Variants in POU1F1 observed in about 807,000 individuals in gnomAD.
The protein encoded by POU1F1 is POU class 1 homeobox 1.
In POU1F1, 23 loss-of-function variants were observed where a neutral mutation model predicts 32.3. That is an observed-to-expected ratio of 0.71 (90% confidence interval 0.51 to 1.01). POU1F1 has a LOEUF of 1.01. Ranked by LOEUF, POU1F1 falls within the 50% of genes least tolerant of loss-of-function variation. POU1F1 has a pLI of 0.00. For missense variants in POU1F1, 323 were observed against 341.6 expected (o/e 0.95, Z 0.43); for synonymous variants, 120 against 115.6 (o/e 1.04, Z -0.25).
chr3:87,264,329 T>G lies in POU1F1; in HGVS notation c.398A>C (p.Glu133Ala), dbSNP rs761731319. 6.2e-7 allele frequency: 1 copy of G among 1,613,930 alleles called. No homozygotes were observed. Among genetic ancestry groups the G allele is most frequent in the Admixed American group, 1.7e-5 (1 of 59,986 alleles). ...CACTTTAAATTCATTGGCAAACTTT[T>G]CAAGTTCTCTGATTTCTGGAGAATC... ...DMDSPEIRELEKFANEFKVRR... is the reference protein window; with the variant it reads ...DMDSPEIRELAKFANEFKVRR... Residue 133 changes from glutamate (E) to alanine (A), a missense_variant, in exon 3 of 6, where the codon GAA (glutamate) becomes GCA (alanine). Physicochemically the swap from Glu to Ala is moderately radical, Grantham distance 107. Transcript: ENST00000350375.
intron 1 of POU1F1, among the ~76,000 whole-genome samples, chr3:87,275,503 T>C (rs1415785770): frequency 6.6e-6 from 1 of 152,108 alleles, no homozygotes; most frequent in African/African-American, 2.4e-5. Context: ...GTGAATATTA[T>C]ATTGCTATTC....
rs547079579 is a variant in POU1F1, at chr3:87,271,364, G to T, written c.214+1983C>A. ...GGCCAGTGGTGGCCCTCTCTGATTA[G>T]GCAGGGTGGGAGTTGGTAGCAAAAA... On this transcript the variant is annotated intron_variant, in intron 2 of 5. Coordinates refer to ENST00000350375, the MANE Select transcript of POU1F1 (RefSeq NM_000306.4). Among the ~76,000 whole-genome samples, 6 of 152,302 alleles carry T rather than the reference G, an allele frequency of 3.9e-5. No individual in the cohort carries two copies. In the South Asian group the frequency reaches 8.3e-4, roughly 21 times the overall value.
intron 2 of POU1F1, among the ~76,000 whole-genome samples, chr3:87,270,535 G>T (rs749420874): frequency 2.0e-5 from 3 of 152,170 alleles, no homozygotes; most frequent in Non-Finnish European, 2.9e-5. Context: ...GTAAGCATCA[G>T]AGTATGAGTA....
chr3:87,260,296 T>C (rs1326116831), intron 5 of POU1F1, among the ~76,000 whole-genome samples, 192 bp from the exon 6 acceptor site: 2 of 152,180 alleles, frequency 1.3e-5, no homozygotes, highest in African/African-American at 2.4e-5. Flanking sequence ...TTTTGTCTTA[T>C]GTAAGGTAGA....
intron 3 of POU1F1, among the ~76,000 whole-genome samples, chr3:87,262,591 T>C (rs1706533298): frequency 1.3e-5 from 2 of 152,034 alleles, no homozygotes; most frequent in South Asian, 2.1e-4. Context: ...TCAAATAATA[T>C]ATGCTCAAAA....
chr3:87,266,188 TA>T (rs1399094132), intron 2 of POU1F1, among the ~76,000 whole-genome samples: 5 of 147,474 alleles, frequency 3.4e-5, no homozygotes, highest in Non-Finnish European at 6.0e-5. Context: ...ATTTTTTATA[TA>T]AAAATATGTA....
intron 2 of POU1F1, among the ~76,000 whole-genome samples, chr3:87,271,675 T>C (rs1279098565): frequency 6.6e-6 from 1 of 152,198 alleles, no homozygotes; most frequent in Non-Finnish European, 1.5e-5. Context: ...TTTATTTTAC[T>C]ATTTTATAAT....
chr3:87,272,876 T>C (rs1287814444), intron 2 of POU1F1, among the ~76,000 whole-genome samples: 1 of 152,162 alleles, frequency 6.6e-6, no homozygotes, highest in Non-Finnish European at 1.5e-5. Flanking sequence ...TGTAAACCTG[T>C]GCTGTCTGAT....
chr3:87,267,151 T>G (rs1706635080), intron 2 of POU1F1, among the ~76,000 whole-genome samples: 1 of 152,174 alleles, frequency 6.6e-6, no homozygotes, highest in African/African-American at 2.4e-5. Flanking sequence ...ATTATTATTT[T>G]CAATTTCTCT....
rs1157538736 is a variant in POU1F1, at chr3:87,259,823, A to G, written c.*71T>C. On this transcript the variant is annotated 3_prime_UTR_variant, in exon 6 of 6. Coordinates refer to ENST00000350375, the MANE Select transcript of POU1F1 (RefSeq NM_000306.4). ...TAAAATGATTTTAAGTCAACCAAGT[A>G]ATTTCTGTTTTTGTTGAGGAAGAGA... 19 of 1,298,670 alleles carry G rather than the reference A, an allele frequency of 1.5e-5. No individual in the cohort carries two copies. Among genetic ancestry groups the G allele is most frequent in the Non-Finnish European group, 2.0e-5 (18 of 903,930 alleles). 80.4% of individuals were successfully genotyped at this position (1,298,670 alleles called of 1,614,324 possible).
intron 2 of POU1F1, among the ~76,000 whole-genome samples, chr3:87,266,410 A>G (rs2106932800): frequency 6.7e-6 from 1 of 148,416 alleles, no homozygotes; most frequent in South Asian, 2.1e-4. Context: ...TAAATATGTA[A>G]TTATATCTAA....
rs765209272 is a variant in POU1F1 at position 87,262,223 on chromosome 3, G to T, written c.452C>A (p.Thr151Lys). The T allele has an allele frequency of 7.4e-6, 12 of 1,613,956 alleles. No homozygotes were observed. Among genetic ancestry groups the T allele is most frequent in the Admixed American group, 1.7e-5 (1 of 59,980 alleles). The change falls in exon 4 of 6, where the codon ACA (threonine) becomes AAA (lysine). Residue 151 changes from threonine (T) to lysine (K), a missense_variant. Transcript: ENST00000350375. ...VRRIKLGYTQ[T>K]NVGEALAAVH... ...AGCTGCCAGGGCCTCCCCAACATTTGTCTGGGTGTATCCTGTGAAGGGACA... is the reference window on the plus strand; with the variant it reads ...AGCTGCCAGGGCCTCCCCAACATTTTTCTGGGTGTATCCTGTGAAGGGACA...
intron 5 of POU1F1, among the ~76,000 whole-genome samples, chr3:87,260,868 TTTTTTTTATTTATTTA>T (rs67140367): frequency 0.4 from 56,202 of 139,840 alleles, 11,783 homozygotes; most frequent in East Asian, 0.58. Flanking sequence ...TATTATTATT[TTTTTTTTATTTATTTA>T]TTTATTTATT....
At chr3:87,275,562 C>T (rs1412254193) in intron 1 of POU1F1, among the ~76,000 whole-genome samples, 1 of 152,032 alleles carries the variant, frequency 6.6e-6, no homozygotes, top group African/African-American at 2.4e-5. Context: ...TGTAAATCAA[C>T]TCTAAAACAC....
intron 2 of POU1F1, among the ~76,000 whole-genome samples, chr3:87,265,567 C>T (rs1030030349): frequency 1.2e-4 from 18 of 151,916 alleles, no homozygotes; most frequent in Non-Finnish European, 1.8e-4. Flanking sequence ...TATTAAATGA[C>T]ATGTCTAGTG....
intron 2 of POU1F1, among the ~76,000 whole-genome samples, chr3:87,268,428 G>A (rs1426580648): frequency 6.6e-6 from 1 of 151,858 alleles, no homozygotes; most frequent in Non-Finnish European, 1.5e-5. Flanking sequence ...TTCATTGCAT[G>A]AAAGTATCTA....
At chr3:87,274,636 A>C (rs1210802622) in intron 1 of POU1F1, among the ~76,000 whole-genome samples, 1 of 151,604 alleles carries the variant, frequency 6.6e-6, no homozygotes, top group Middle Eastern at 5.0e-3. Flanking sequence ...ATAATGCATT[A>C]CTGTGCATTC....
intron 3 of POU1F1, among the ~76,000 whole-genome samples, chr3:87,263,342 A>G (rs1429506266): frequency 1.3e-5 from 2 of 152,180 alleles, no homozygotes; most frequent in African/African-American, 4.8e-5. Flanking sequence ...GCAAAGATCT[A>G]AAAGATTAAC....
chr3:87,273,574 A>G (rs1229658673), intron 1 of POU1F1, 156 bp from the exon 2 acceptor site: 2 of 1,359,686 alleles, frequency 1.5e-6, no homozygotes, highest in East Asian at 5.0e-5. Context: ...TCTTAAAGTT[A>G]CATGCCAATA....
Sources: allele counts gnomAD v4.1 joint callset (sites outside exome capture counted in the v4.1 genomes callset), GRCh38; gene constraint gnomAD v4.1.1; transcripts MANE v1.5; gene names NCBI Gene and HGNC (gene_info 2026-07-23, HGNC 2026-07-21).